The following UROS variants were observed in gnomAD, a reference collection of about 807,000 sequenced individuals.
UROS encodes the protein uroporphyrinogen III synthase, also known as uroporphyrinogen-III synthase.
In UROS, 18 loss-of-function variants were observed where a neutral mutation model predicts 33.0. That is an observed-to-expected ratio of 0.55 (90% CI 0.38 to 0.81). The LOEUF is 0.81. UROS is among the 30% of genes least tolerant of loss of function. UROS has a pLI of 0.00. For missense variants in UROS, 293 were observed against 314.9 expected (o/e 0.93, Z 0.53); for synonymous variants, 114 against 121.1 (o/e 0.94, Z 0.38).
In UROS at chr10:125,794,892, G is replaced by C; in HGVS notation, c.648C>G (p.Ile216Met). ...TTGAATAACTTACCTTAATTTGATC[G>C]ATATTGTCACCAGATAACTCCTGAA... ...KHIQELSGDN[I>M]DQIKFAAIGP... Residue 216 changes from isoleucine (I) to methionine (M), a missense_variant, in exon 9 of 10, where the codon ATC becomes ATG. Ile to Met is a conservative substitution (Grantham distance 10). Transcript: ENST00000368797. 1 of 1,612,966 alleles carries C rather than the reference G, an allele frequency of 6.2e-7. No homozygotes were observed. Among genetic ancestry groups the C allele is most frequent in the Non-Finnish European group, 8.5e-7 (1 of 1,179,170 alleles).
chr10:125,822,041 G>C (rs1211268478), intron 1 of UROS, among the ~76,000 whole-genome samples: 1 of 152,156 alleles, frequency 6.6e-6, no homozygotes, highest in African/African-American at 2.4e-5. Context: ...TTAAACAGAA[G>C]CAGCCTATTA....
At chr10:125,808,087 T>C (rs189119086) in intron 5 of UROS, among the ~76,000 whole-genome samples, 4 of 152,326 alleles carry the variant, frequency 2.6e-5, no homozygotes, top group East Asian at 3.9e-4. Context: ...ACCAGCACTT[T>C]TGTGAGATCC....
chr10:125,799,837 T>C (rs1003972514), intron 6 of UROS, among the ~76,000 whole-genome samples: 1 of 152,150 alleles, frequency 6.6e-6, no homozygotes, highest in African/African-American at 2.4e-5. Flanking sequence ...GATCTACAAC[T>C]ACATGTCCTG....
chr10:125,788,808 C>A lies in UROS; in HGVS notation c.*60G>T. 6.5e-7 allele frequency: 1 copy of A among 1,531,946 alleles called. No homozygotes were observed. The allele number at this position is 1,531,946 out of a possible 1,614,324, so 94.9% of individuals were successfully genotyped here. A position where few individuals can be genotyped will look rare whatever the true frequency, so the allele number is the denominator to read the frequency against. ...CCCGAGAGCCCTTGCCGATGCCTGG[C>A]TCCATCCAGAGCCAGCCCAGCCCAG... is the stretch of plus-strand genomic sequence containing the variant. On this transcript the variant is annotated 3_prime_UTR_variant, in exon 10 of 10. Transcript: ENST00000368797.
rs1399723541 is a variant in UROS, at chr10:125,788,688, C to T, written c.*180G>A. On this transcript the variant is annotated 3_prime_UTR_variant, in exon 10 of 10. Transcript: ENST00000368797. ...GGCTTCCACAGAGGGCAGTCACGTGCACGTGGGCCTGAGGCCAGCCCCAGG... is the reference window on the plus strand; with the variant it reads ...GGCTTCCACAGAGGGCAGTCACGTGTACGTGGGCCTGAGGCCAGCCCCAGG... 3 of 1,431,318 alleles carry T rather than the reference C, an allele frequency of 2.1e-6. No individual in the cohort carries two copies. The Admixed American group carries it at 8.6e-5, about 41-fold the overall frequency. 88.7% of individuals were successfully genotyped at this position (1,431,318 alleles called of 1,614,324 possible). A position where few individuals can be genotyped will look rare whatever the true frequency, so the allele number is the denominator to read the frequency against.
chr10:125,814,809 G>C (rs1437086395), intron 4 of UROS, among the ~76,000 whole-genome samples: 3 of 152,124 alleles, frequency 2.0e-5, no homozygotes, highest in Admixed American at 1.3e-4. Context: ...TCAGTCCCTA[G>C]GAGGTGAACA....
chr10:125,806,241 CATAA>C (rs1852321920), intron 6 of UROS, among the ~76,000 whole-genome samples: 2 of 152,146 alleles, frequency 1.3e-5, no homozygotes, highest in South Asian at 4.1e-4. Context: ...TTTTAAATAA[CATAA>C]ATACTTTGTT....
At chr10:125,819,483 G>A (rs1328488183) in intron 1 of UROS, among the ~76,000 whole-genome samples, 1 of 152,078 alleles carries the variant, frequency 6.6e-6, no homozygotes, top group African/African-American at 2.4e-5. Flanking sequence ...TTCTTCTGCT[G>A]GAGGCATCTG....
intron 9 of UROS, chr10:125,791,876 G>A (rs1589918762): frequency 6.6e-6 from 1 of 152,050 alleles, no homozygotes; most frequent in East Asian, 1.9e-4. Flanking sequence ...GTGATGATAT[G>A]TCCTGGAACT....
chr10:125,807,678 G>A (rs577080840), intron 5 of UROS, among the ~76,000 whole-genome samples, 191 bp from the exon 6 acceptor site: 4 of 152,178 alleles, frequency 2.6e-5, no homozygotes, highest in Non-Finnish European at 5.9e-5. Flanking sequence ...CCTGGTACCT[G>A]CACCCCAGTT....
chr10:125,803,966 G>A (rs1028791479), intron 6 of UROS, among the ~76,000 whole-genome samples: 6 of 152,242 alleles, frequency 3.9e-5, no homozygotes, highest in African/African-American at 1.4e-4. Flanking sequence ...ACCCTGACAT[G>A]ACACTGTGAT....
chr10:125,796,959 A>T (rs774893176), intron 7 of UROS: 116 of 604,006 alleles, frequency 1.9e-4, no homozygotes, highest in Non-Finnish European at 2.4e-4. Flanking sequence ...TAAAGAAATA[A>T]ACTGAAGTAT....
At chr10:125,785,646 T>G (rs1353107401), downstream of UROS, 1 of 152,240 alleles carries the variant, frequency 6.6e-6, no homozygotes, top group Non-Finnish European at 1.5e-5. Flanking sequence ...ACACAAAACT[T>G]ACAACACTGT....
intron 5 of UROS, among the ~76,000 whole-genome samples, chr10:125,810,627 G>A (rs1417980977): frequency 1.3e-5 from 2 of 152,164 alleles, no homozygotes; most frequent in Non-Finnish European, 2.9e-5. Context: ...ACGCAGCAAA[G>A]ATAATACATT....
At chr10:125,798,181 G>A in intron 6 of UROS, 36 bp from the exon 7 acceptor site, 1 of 1,608,366 alleles carries the variant, frequency 6.2e-7, no homozygotes, top group East Asian at 2.2e-5. Flanking sequence ...GAAAACTCAG[G>A]GCCAGTGCCT....
At chr10:125,819,500 G>T (rs1280230361) in intron 1 of UROS, among the ~76,000 whole-genome samples, 1 of 152,134 alleles carries the variant, frequency 6.6e-6, no homozygotes, top group Non-Finnish European at 1.5e-5. Context: ...TCTGATCCCT[G>T]TGCAGTTTTT....
At position 125,816,486 on chromosome 10, in the gene UROS, A is replaced by G. The variant is rs1853337038; in HGVS notation, c.14T>C (p.Leu5Ser). The change falls in exon 2 of 10, where the codon TTA becomes TCA. Residue 5 changes from leucine (L) to serine (S), a missense_variant. By Grantham distance (145) the Leu-to-Ser change is moderately radical. Coordinates refer to ENST00000368797, the MANE Select transcript of UROS (RefSeq NM_000375.3). MKVL[L>S]LKDAKEDDCG... is the part of the protein sequence containing the mutation. ...GTCATCTTCCTTCGCATCCTTCAGT[A>G]AAAGAACCTTCATTATTGCCTGGCA... is the stretch of plus-strand genomic sequence containing the variant. 1.2e-6 allele frequency: 2 copies of G among 1,614,088 alleles called. No homozygotes were observed. Among genetic ancestry groups the G allele is most frequent in the African/African-American group, 2.7e-5 (2 of 74,934 alleles).
At chr10:125,816,416 A>G (rs770542168) in intron 2 of UROS, 21 bp downstream of exon 2, 2 of 1,613,976 alleles carry the variant, frequency 1.2e-6, no homozygotes, top group Non-Finnish European at 1.7e-6. Flanking sequence ...ACTGTGGGAT[A>G]AGGAGTCTCA....
intron 1 of UROS, among the ~76,000 whole-genome samples, chr10:125,818,281 A>G (rs774542939): frequency 2.0e-4 from 31 of 152,110 alleles, no homozygotes; most frequent in Non-Finnish European, 1.2e-4. Context: ...GCAGGAGTCC[A>G]AGATCAGCCT....
Sources: gnomAD v4.1 joint callset for allele counts (sites outside exome capture counted in the v4.1 genomes callset) on GRCh38, gnomAD v4.1.1 for gene constraint, MANE v1.5 for transcripts, NCBI Gene and HGNC (gene_info 2026-07-23, HGNC 2026-07-21) for gene names.